The following CHST9 variants were observed in gnomAD, a reference collection of about 807,000 sequenced individuals.
CHST9 encodes the protein GalNAc-4-sulfotransferase 2.
CHST9 carries 41 observed loss-of-function variants against 44.4 expected under a neutral mutation model. The ratio of observed to expected loss-of-function variants is 0.92; its 90% CI spans 0.72 to 1.20. The LOEUF (loss-of-function observed/expected upper bound fraction) is 1.20, where lower values mean the gene tolerates loss of function less well. Ranked by LOEUF, CHST9 falls within the 50% of genes most tolerant of loss-of-function variation. The pLI is 0.00. For missense variants in CHST9, 504 were observed against 516.5 expected (o/e 0.98, Z 0.23); for synonymous variants, 171 against 178.4 (o/e 0.96, Z 0.33).
intron 4 of CHST9, among the ~76,000 whole-genome samples, chr18:26,990,574 T>C (rs1426146601): frequency 6.6e-6 from 1 of 152,240 alleles, no homozygotes; most frequent in Non-Finnish European, 1.5e-5. Context: ...CATCAATTAA[T>C]TAATGGCCTT....
intron 2 of CHST9, among the ~76,000 whole-genome samples, chr18:27,062,970 C>A (rs1356646390): frequency 6.6e-6 from 1 of 152,156 alleles, no homozygotes; most frequent in African/African-American, 2.4e-5. Flanking sequence ...TGCCAGGGCT[C>A]TGACACCTCA....
chr18:27,132,183 C>T (rs1196291128), intron 2 of CHST9, among the ~76,000 whole-genome samples: 2 of 152,134 alleles, frequency 1.3e-5, no homozygotes, highest in Non-Finnish European at 2.9e-5. Context: ...CCTTTAGACA[C>T]AAAATGATAG....
intron 4 of CHST9, among the ~76,000 whole-genome samples, chr18:26,979,093 A>C (rs1333939206): frequency 6.6e-6 from 1 of 151,826 alleles, no homozygotes; most frequent in Non-Finnish European, 1.5e-5. Context: ...TGAGCATGTT[A>C]CCCTGTGCTA....
chr18:27,045,084 G>A (rs2143546854), intron 3 of CHST9, among the ~76,000 whole-genome samples: 1 of 150,956 alleles, frequency 6.6e-6, no homozygotes, highest in Admixed American at 6.6e-5. Flanking sequence ...TCTGTGGGTA[G>A]CTTTTTGCAA....
chr18:26,974,933 C>A (rs2056598857), intron 4 of CHST9, among the ~76,000 whole-genome samples: 1 of 152,178 alleles, frequency 6.6e-6, no homozygotes, highest in Non-Finnish European at 1.5e-5. Context: ...CCTCGGACTT[C>A]CAAAGTGTTG....
chr18:26,911,269 A>G lies in CHST9; in HGVS notation c.*4990T>C, dbSNP rs1215315255. 1 of 152,238 alleles carries G rather than the reference A, an allele frequency of 6.6e-6. No individual in the cohort carries two copies. The highest frequency in any genetic ancestry group is 2.4e-5 in the African/African-American group (1 of 41,468). The allele number at this position is 152,238 out of a possible 1,614,324, so 9.4% of individuals were successfully genotyped here. A position where few individuals can be genotyped will look rare whatever the true frequency, so the allele number is the denominator to read the frequency against. ...CCTTGCTAGACATGGTACAAAGTGC[A>G]TTCAACAGACACAGTTCCTTTCCTC... On this transcript the variant is annotated 3_prime_UTR_variant, in exon 6 of 6. Transcript: ENST00000618847.
intron 2 of CHST9, among the ~76,000 whole-genome samples, chr18:27,073,914 A>T (rs1423836545): frequency 6.6e-6 from 1 of 152,004 alleles, no homozygotes; most frequent in East Asian, 1.9e-4. Context: ...TTATTATTTC[A>T]TCTTTTCTTA....
intron 4 of CHST9, among the ~76,000 whole-genome samples, chr18:27,013,867 G>T (rs1252831358): frequency 6.6e-6 from 1 of 152,128 alleles, no homozygotes; most frequent in East Asian, 1.9e-4. Flanking sequence ...AAACTAATTT[G>T]AATTTAATAA....
At chr18:26,965,973 A>G (rs2056459726) in intron 4 of CHST9, among the ~76,000 whole-genome samples, 1 of 152,212 alleles carries the variant, frequency 6.6e-6, no homozygotes, top group African/African-American at 2.4e-5. Flanking sequence ...TTAAAACAGA[A>G]TAGACATAAT....
At chr18:27,053,269 A>AAGAAGAAGAG (rs1568151239) in intron 2 of CHST9, among the ~76,000 whole-genome samples, 6 of 114,280 alleles carry the variant, frequency 5.3e-5, no homozygotes, top group African/African-American at 1.7e-4. Context: ...AAGGAGAAGG[A>AAGAAGAAGAG]GAAGGAGAAG....
intron 2 of CHST9, among the ~76,000 whole-genome samples, chr18:27,072,733 C>A (rs2057854686): frequency 6.6e-6 from 1 of 152,168 alleles, no homozygotes; most frequent in Non-Finnish European, 1.5e-5. Flanking sequence ...CAAGCCTTGG[C>A]AGAAGACTTT....
At chr18:27,183,920 T>A (rs2058933679) in intron 1 of CHST9, among the ~76,000 whole-genome samples, 1 of 152,146 alleles carries the variant, frequency 6.6e-6, no homozygotes, top group South Asian at 2.1e-4. Context: ...AGAAGACAGA[T>A]AAATACTAAA....
At chr18:27,085,508 A>G (rs2058003484) in intron 2 of CHST9, among the ~76,000 whole-genome samples, 1 of 152,200 alleles carries the variant, frequency 6.6e-6, no homozygotes, top group South Asian at 2.1e-4. Context: ...TGGTCAATAA[A>G]CATGAGAAAA....
intron 4 of CHST9, among the ~76,000 whole-genome samples, chr18:26,987,902 T>C (rs886944159): frequency 6.6e-6 from 1 of 152,172 alleles, no homozygotes; most frequent in Non-Finnish European, 1.5e-5. Flanking sequence ...AACCTGATAC[T>C]GGATTTCCCA....
intron 2 of CHST9, among the ~76,000 whole-genome samples, chr18:27,106,403 C>A (rs1204642210): frequency 2.0e-5 from 3 of 152,086 alleles, no homozygotes; most frequent in Non-Finnish European, 4.4e-5. Flanking sequence ...TTTGTTAATG[C>A]CATTATTGGA....
chr18:26,935,516 C>A (rs2055972623), intron 5 of CHST9: 1 of 152,200 alleles, frequency 6.6e-6, no homozygotes, highest in Non-Finnish European at 1.5e-5. Context: ...TTTATGGTCA[C>A]ATTTTAATCA....
chr18:27,077,553 T>C (rs1175565055), intron 2 of CHST9, among the ~76,000 whole-genome samples: 1 of 152,068 alleles, frequency 6.6e-6, no homozygotes, highest in Non-Finnish European at 1.5e-5. Context: ...AATAGAGAAA[T>C]ATTGTGGGGG....
intron 1 of CHST9, among the ~76,000 whole-genome samples, chr18:27,173,006 T>C (rs1359177203): frequency 6.6e-6 from 1 of 152,064 alleles, no homozygotes; most frequent in East Asian, 1.9e-4. Flanking sequence ...TACAGGGACC[T>C]GATTAGAAAT....
At chr18:27,084,210 A>G (rs904458840) in intron 2 of CHST9, among the ~76,000 whole-genome samples, 4 of 151,862 alleles carry the variant, frequency 2.6e-5, no homozygotes, top group African/African-American at 9.7e-5. Context: ...GAATAATTTC[A>G]GTATGGTTGG....
Sources: gnomAD v4.1 joint callset for allele counts (sites outside exome capture counted in the v4.1 genomes callset) on GRCh38, gnomAD v4.1.1 for gene constraint, MANE v1.5 for transcripts, NCBI Gene and HGNC (gene_info 2026-07-23, HGNC 2026-07-21) for gene names.